ACOT7: variants seen among roughly 807,000 people sequenced by gnomAD.
ACOT7 encodes the protein acyl-CoA thioesterase 7.
A neutral mutation model predicts 40.2 loss-of-function variants in ACOT7; 12 were observed. The observed-to-expected ratio is 0.30, with a 90% confidence interval of 0.19 to 0.48. The LOEUF is 0.48. Ranked by LOEUF, ACOT7 falls within the 20% of genes least tolerant of loss-of-function variation. The pLI is 0.99. For synonymous variants in ACOT7, 228 were observed against 219.5 expected, an observed-to-expected ratio of 1.04 and a Z score of -0.34; for missense variants, 395 against 530.8, an observed-to-expected ratio of 0.74 and a Z score of 2.51.
At chr1:6,356,762 G>GA (rs935562230) in intron 1 of ACOT7, among the ~76,000 whole-genome samples, 6 of 151,488 alleles carry the variant, frequency 4.0e-5, no homozygotes, top group South Asian at 2.1e-4. Flanking sequence ...ATTAAAAATA[G>GA]AAAAAAAATA....
intron 6 of ACOT7, among the ~76,000 whole-genome samples, chr1:6,297,484 A>C (rs1639841224): frequency 6.6e-6 from 1 of 152,226 alleles, no homozygotes; most frequent in Non-Finnish European, 1.5e-5. Context: ...AAAGAGCAGA[A>C]TTAGTGGGGG....
chr1:6,385,754 G>T, intron 1 of ACOT7: 1 of 1,489,788 alleles, frequency 6.7e-7, no homozygotes, highest in South Asian at 1.3e-5. Context: ...CGGCTCAGCA[G>T]TGAGCCGGTG....
chr1:6,297,038 CAGA>C (rs999328175), intron 6 of ACOT7, among the ~76,000 whole-genome samples: 2 of 152,022 alleles, frequency 1.3e-5, no homozygotes, highest in Non-Finnish European at 2.9e-5. Context: ...CCCTAGGACA[CAGA>C]ATGATTTTTT....
chr1:6,326,555 T>C lies in ACOT7; in HGVS notation c.625+744A>G, dbSNP rs1022273077. On this transcript the variant is annotated intron_variant, in intron 5 of 8. Coordinates refer to ENST00000361521, the MANE Select transcript of ACOT7 (RefSeq NM_007274.4). ...CCTCCTCCAATCAATGTCTGAACAG[T>C]GGGGCCGGGAAGAAGTGGCGCTTGA... Among the ~76,000 whole-genome samples the C allele has an allele frequency of 1.5e-4, 23 of 152,292 alleles. 1 individual carries two copies. In the South Asian group the frequency reaches 4.8e-3, roughly 32 times the overall value.
intron 1 of ACOT7, among the ~76,000 whole-genome samples, chr1:6,353,959 G>A (rs141089795): frequency 3.9e-5 from 6 of 152,250 alleles, no homozygotes; most frequent in East Asian, 3.9e-4. Flanking sequence ...TCTGCCTGCC[G>A]GGTCCTGGCA....
At chr1:6,360,009 T>G (rs750544636) in intron 1 of ACOT7, among the ~76,000 whole-genome samples, 2 of 152,244 alleles carry the variant, frequency 1.3e-5, no homozygotes, top group Non-Finnish European at 2.9e-5. Context: ...GCACTGAGCC[T>G]GGGAAGTCAC....
chr1:6,337,963 T>A (rs1641150466), intron 3 of ACOT7, among the ~76,000 whole-genome samples: 1 of 132,800 alleles, frequency 7.5e-6, no homozygotes, highest in Admixed American at 9.0e-5. Flanking sequence ...ATCACACCAC[T>A]GCACTCCAGA....
chr1:6,297,813 C>T (rs1639853189), intron 6 of ACOT7, among the ~76,000 whole-genome samples: 1 of 152,124 alleles, frequency 6.6e-6, no homozygotes, highest in African/African-American at 2.4e-5. Flanking sequence ...AGAGGTGAGG[C>T]AGGAACGGGC....
rs1346743518 is a variant in ACOT7, at chr1:6,338,708, G to A, written c.418+725C>T. 6.6e-6 allele frequency among the ~76,000 whole-genome samples: 1 copy of A among 152,184 alleles called. No individual in the cohort carries two copies. The highest frequency in any genetic ancestry group is 2.4e-5 in the African/African-American group (1 of 41,450). ...ACTGCTGAGGAACAGGCATGGGGAAGAGGAGGAAACCGGCCCAGCCTCTCT... is the reference window on the plus strand; with the variant it reads ...ACTGCTGAGGAACAGGCATGGGGAAAAGGAGGAAACCGGCCCAGCCTCTCT... On this transcript the variant is annotated intron_variant, in intron 3 of 8. Transcript: ENST00000361521. This position sits in a 1 kb window ranked among gnomAD's most constrained non-coding sequence, Gnocchi z 4.4.
chr1:6,337,158 G>A (rs1047327270), intron 3 of ACOT7, among the ~76,000 whole-genome samples: 19 of 152,350 alleles, frequency 1.2e-4, no homozygotes, highest in African/African-American at 4.3e-4. Context: ...GGGAGGAGGG[G>A]TGGGCATCTC....
chr1:6,340,707 A>G (rs1037301597), intron 2 of ACOT7, among the ~76,000 whole-genome samples: 8 of 152,182 alleles, frequency 5.3e-5, no homozygotes, highest in African/African-American at 2.4e-5. Context: ...AGGAAAAATA[A>G]TCTGCCTGTG....
At chr1:6,279,637 A>C (rs1051357944) in intron 8 of ACOT7, among the ~76,000 whole-genome samples, 6 of 152,134 alleles carry the variant, frequency 3.9e-5, no homozygotes, top group African/African-American at 1.4e-4. Context: ...TCATCCATCA[A>C]GTCCAGGTTC....
In ACOT7 at chr1:6,393,262, G is replaced by C; in HGVS notation, c.138C>G (p.Ile46Met). 1 of 1,284,150 alleles carries C rather than the reference G, an allele frequency of 7.8e-7. No homozygotes were observed. The highest frequency in any genetic ancestry group is 9.9e-7 in the Non-Finnish European group (1 of 1,014,894). The allele number at this position is 1,284,150 out of a possible 1,614,324, so 79.5% of individuals were successfully genotyped here. A position where few individuals can be genotyped will look rare whatever the true frequency, so the allele number is the denominator to read the frequency against. ...GCGCGCGGGCCCTCTCTTACCGGCAGATCTGGATGGCGGACGGCGTCTCGA... is the reference window on the plus strand; with the variant it reads ...GCGCGCGGGCCCTCTCTTACCGGCACATCTGGATGGCGGACGGCGTCTCGA... ...PDVETPSAIQ[I>M]CRIMRPDDAN... The change falls in exon 1 of 9, where the codon ATC becomes ATG. Residue 46 changes from isoleucine (I) to methionine (M), a missense_variant. Coordinates refer to ENST00000361521, the MANE Select transcript of ACOT7 (RefSeq NM_007274.4).
In ACOT7 at chr1:6,282,786, C is replaced by T. The variant is rs1309156315; in HGVS notation, c.830-1500G>A. ...GAGCTGTGTGGTCAGCGCCAGCAGG[C>T]ATTACGTGAGCTGTAAGGTACAGAG... is the stretch of plus-strand genomic sequence containing the variant. On this transcript the variant is annotated intron_variant, in intron 7 of 8. Transcript: ENST00000361521. This position sits in a 1 kb window ranked among gnomAD's most constrained non-coding sequence, Gnocchi z 4.5. 2 of 1,304,292 alleles carry T rather than the reference C, an allele frequency of 1.5e-6. No homozygotes were observed. Among genetic ancestry groups the T allele is most frequent in the Non-Finnish European group, 2.0e-6 (2 of 988,974 alleles). The allele number at this position is 1,304,292 out of a possible 1,614,324, so 80.8% of individuals were successfully genotyped here. A position where few individuals can be genotyped will look rare whatever the true frequency, so the allele number is the denominator to read the frequency against.
chr1:6,276,270 A>T (rs936537071), intron 8 of ACOT7, among the ~76,000 whole-genome samples: 6 of 152,130 alleles, frequency 3.9e-5, no homozygotes, highest in Admixed American at 1.3e-4. Flanking sequence ...ACCCTCCTGC[A>T]GGCTGAAAAG....
At chr1:6,372,147 C>T (rs1642144434) in intron 1 of ACOT7, among the ~76,000 whole-genome samples, 1 of 152,178 alleles carries the variant, frequency 6.6e-6, no homozygotes, top group African/African-American at 2.4e-5. Context: ...ACCTGCTGCT[C>T]TACCTTGTAC....
In ACOT7 at chr1:6,379,335, C is replaced by T. The variant is rs150730788; in HGVS notation, c.143+13922G>A. 2.0e-3 allele frequency among the ~76,000 whole-genome samples: 300 copies of T among 152,072 alleles called. 1 individual carries two copies. Among genetic ancestry groups the T allele is most frequent in the African/African-American group, 6.8e-3 (282 of 41,560 alleles). On this transcript the variant is annotated intron_variant, in intron 1 of 8. Coordinates refer to ENST00000361521, the MANE Select transcript of ACOT7 (RefSeq NM_007274.4). ...CAAGCAAGTAGCTCCACCTCTAATG[C>T]CTGCTCCCCAGCCTATAAAGAGGTG... is the stretch of plus-strand genomic sequence containing the variant.
intron 8 of ACOT7, among the ~76,000 whole-genome samples, chr1:6,270,380 G>A (rs545011650): frequency 1.8e-4 from 28 of 152,372 alleles, no homozygotes; most frequent in Admixed American, 1.3e-4. Context: ...GCTGCTGGTG[G>A]GGGAAGGACT....
intron 2 of ACOT7, among the ~76,000 whole-genome samples, chr1:6,348,056 C>G (rs1191488021): frequency 6.6e-6 from 1 of 152,110 alleles, no homozygotes; most frequent in African/African-American, 2.4e-5. Flanking sequence ...GAACTTGGGA[C>G]TTGGCCCTCA....
Sources: gnomAD v4.1 joint callset for allele counts (sites outside exome capture counted in the v4.1 genomes callset) on GRCh38, gnomAD v4.1.1 for gene constraint, Gnocchi (gnomAD v3.1) non-coding constraint, MANE v1.5 for transcripts, NCBI Gene and HGNC (gene_info 2026-07-23, HGNC 2026-07-21) for gene names.